TPO: variants seen among roughly 807,000 people sequenced by gnomAD.
The protein encoded by TPO is thyroid microsomal antigen.
A neutral mutation model predicts 96.9 loss-of-function variants in TPO; 78 were observed. The ratio of observed to expected loss-of-function variants is 0.81; its 90% CI spans 0.67 to 0.97. The LOEUF (loss-of-function observed/expected upper bound fraction) is 0.97, where lower values mean the gene tolerates loss of function less well. TPO is among the 50% of genes least tolerant of loss of function. The pLI is 0.00. For missense variants in TPO, 1,252 were observed against 1,274.8 expected, an observed-to-expected ratio of 0.98 and a Z score of 0.27; for synonymous variants, 547 against 538.0, an observed-to-expected ratio of 1.02 and a Z score of -0.23.
In TPO at chr2:1,398,555, C is replaced by T. The variant is rs76417840; in HGVS notation, n.180+24153C>T. 4.4e-3 allele frequency among the ~76,000 whole-genome samples: 669 copies of T among 152,318 alleles called. 20 individuals are homozygous for T. In the East Asian group the frequency reaches 0.077, roughly 17 times the overall value. ...GCCCCAGCATTGCAGACATCACAGG[C>T]GGAGACCTCTGTCCCTTCTCTGCCT... is the stretch of plus-strand genomic sequence containing the variant. On this transcript the variant is annotated intron_variant and non_coding_transcript_variant, in intron 1 of 5. Transcript: ENST00000497517.
chr2:1,500,939 T>C (rs1672811682), intron 13 of TPO, among the ~76,000 whole-genome samples: 1 of 144,436 alleles, frequency 6.9e-6, no homozygotes, highest in South Asian at 2.2e-4. Flanking sequence ...ACCACTGCAC[T>C]CCAGCCTGGG....
intron 1 of TPO, among the ~76,000 whole-genome samples, chr2:1,399,473 C>A (rs923647371): frequency 3.3e-5 from 5 of 152,192 alleles, no homozygotes; most frequent in African/African-American, 1.2e-4. Flanking sequence ...ATAAATTAGG[C>A]ATAGTAAGAG....
At chr2:1,432,759 G>A (rs1464251174) in intron 3 of TPO, among the ~76,000 whole-genome samples, 1 of 110,412 alleles carries the variant, frequency 9.1e-6, no homozygotes, top group Non-Finnish European at 1.8e-5. Flanking sequence ...TGCAGGTGAG[G>A]AGAGGCCTGC....
intron 10 of TPO, among the ~76,000 whole-genome samples, chr2:1,491,583 T>C (rs1301081965): frequency 6.6e-6 from 1 of 152,262 alleles, no homozygotes; most frequent in Admixed American, 6.5e-5. Context: ...CTCACTAGTC[T>C]GAAAATAACT....
At chr2:1,477,666 G>T (rs1670112576) in intron 8 of TPO, 62 bp downstream of exon 8, 2 of 1,429,764 alleles carry the variant, frequency 1.4e-6, no homozygotes, top group Non-Finnish European at 1.8e-6. Context: ...CGCCTCGTGT[G>T]GGTGCGCAGC....
intron 2 of TPO, 76 bp downstream of exon 2, chr2:1,414,578 G>T (rs1329463420): frequency 4.0e-5 from 56 of 1,392,024 alleles, no homozygotes; most frequent in Non-Finnish European, 5.1e-5. Context: ...AGGGCATAAT[G>T]GTAGCTCCTG....
At chr2:1,444,239 A>T (rs1460624473) in intron 5 of TPO, among the ~76,000 whole-genome samples, 1 of 105,494 alleles carries the variant, frequency 9.5e-6, no homozygotes, top group Non-Finnish European at 2.0e-5. Flanking sequence ...GGAATGGGGC[A>T]GGCGCCTTCT....
intron 7 of TPO, among the ~76,000 whole-genome samples, chr2:1,464,658 G>T (rs1397148205): frequency 6.6e-6 from 1 of 152,128 alleles, no homozygotes; most frequent in African/African-American, 2.4e-5. Context: ...CATTAGTGAT[G>T]AGCATTTTTT....
chr2:1,536,958 CCTGTGTGCAACCCCCCAATCTCCCCCA>C (rs1156720740), intron 15 of TPO, among the ~76,000 whole-genome samples: 29 of 86,730 alleles, frequency 3.3e-4, no homozygotes, highest in African/African-American at 8.9e-4. Flanking sequence ...CTCAAATCCC[CCTGTGTGCAACCCCCCAATCTCCCCCA>C]CTGTGTGCAA....
At chr2:1,412,264 C>T (rs912693658), upstream of TPO, among the ~76,000 whole-genome samples, 2 of 152,182 alleles carry the variant, frequency 1.3e-5, no homozygotes, top group African/African-American at 2.4e-5. Flanking sequence ...GGCATCAAAC[C>T]GAGGATGGCT....
intron 1 of TPO, 164 bp from the exon 2 acceptor site, chr2:1,414,244 C>T (rs910615757): frequency 3.1e-5 from 21 of 683,120 alleles, no homozygotes; most frequent in African/African-American, 1.6e-4. Context: ...ACATGGACGG[C>T]GACTCTGGTC....
intron 1 of TPO, among the ~76,000 whole-genome samples, chr2:1,392,794 A>AGTAGT (rs757146627): frequency 3.3e-5 from 5 of 152,142 alleles, no homozygotes; most frequent in Non-Finnish European, 7.3e-5. Flanking sequence ...AGGTGTTTAT[A>AGTAGT]GTAGTCTCTG....
intron 14 of TPO, among the ~76,000 whole-genome samples, chr2:1,506,804 G>C: frequency 6.6e-6 from 1 of 152,066 alleles, no homozygotes. Context: ...AAATGAGTAG[G>C]TTGCAAAAAT....
chr2:1,465,192 GA>G (rs1558318280), intron 7 of TPO, among the ~76,000 whole-genome samples: 1 of 152,048 alleles, frequency 6.6e-6, no homozygotes, highest in African/African-American at 2.4e-5. Flanking sequence ...TTGCATTGTC[GA>G]AGATCAATTG....
intron 15 of TPO, among the ~76,000 whole-genome samples, chr2:1,539,841 A>C (rs1237474783): frequency 2.1e-5 from 3 of 144,458 alleles, no homozygotes; most frequent in African/African-American, 7.9e-5. Flanking sequence ...CACCAAGGCA[A>C]GGGAAGGAGT....
At chr2:1,458,372 CAT>C (rs888497112) in intron 7 of TPO, among the ~76,000 whole-genome samples, 1 of 151,322 alleles carries the variant, frequency 6.6e-6, no homozygotes, top group African/African-American at 2.4e-5. Flanking sequence ...TTTGTGGGCA[CAT>C]GTGTATATGG....
At chr2:1,461,952 C>G (rs1160865483) in intron 7 of TPO, among the ~76,000 whole-genome samples, 1 of 152,170 alleles carries the variant, frequency 6.6e-6, no homozygotes, top group East Asian at 1.9e-4. Flanking sequence ...CTTCGGGGCT[C>G]CCTACTGGAT....
At chr2:1,407,174 T>C (rs562947037) in intron 1 of TPO, among the ~76,000 whole-genome samples, 1 of 152,212 alleles carries the variant, frequency 6.6e-6, no homozygotes, top group African/African-American at 2.4e-5. Context: ...TATGTTAATA[T>C]TGACAAATTG....
intron 3 of TPO, among the ~76,000 whole-genome samples, chr2:1,428,340 G>C (rs1413061568): frequency 2.6e-5 from 4 of 152,188 alleles, no homozygotes; most frequent in Admixed American, 1.3e-4. Context: ...AGGCTCTCCT[G>C]AACTGAGCTC....
Sources: allele counts gnomAD v4.1 joint callset (sites outside exome capture counted in the v4.1 genomes callset), GRCh38; gene constraint gnomAD v4.1.1; transcripts MANE v1.5; gene names NCBI Gene and HGNC (gene_info 2026-07-23, HGNC 2026-07-21).